The following RPH3AL variants were observed in gnomAD, a reference collection of about 807,000 sequenced individuals.
The protein encoded by RPH3AL is rabphilin 3A like (without C2 domains).
RPH3AL carries 38 observed loss-of-function variants against 43.1 expected under a neutral mutation model. The observed-to-expected ratio is 0.88, with a 90% CI of 0.68 to 1.15. RPH3AL has a LOEUF of 1.15. Among genes scored for constraint, RPH3AL ranks in the 50% most tolerant of loss-of-function variants. RPH3AL has a pLI of 0.00. For missense variants in RPH3AL, 462 were observed against 423.2 expected (o/e 1.09, Z -0.81); for synonymous variants, 189 against 176.3 (o/e 1.07, Z -0.57).
intron 5 of RPH3AL, among the ~76,000 whole-genome samples, chr17:293,686 G>A (rs2043100406): frequency 6.6e-6 from 1 of 152,200 alleles, no homozygotes; most frequent in Non-Finnish European, 1.5e-5. Flanking sequence ...CTTCGGCCAA[G>A]GGGTGGATGG....
At chr17:275,004 G>A (rs947417805) in intron 6 of RPH3AL, among the ~76,000 whole-genome samples, 2 of 152,138 alleles carry the variant, frequency 1.3e-5, no homozygotes, top group African/African-American at 4.8e-5. Context: ...GAGCAGACGT[G>A]GTCACGGAGA....
intron 5 of RPH3AL, among the ~76,000 whole-genome samples, chr17:286,589 A>C (rs2042918338): frequency 6.6e-6 from 1 of 152,234 alleles, no homozygotes; most frequent in Non-Finnish European, 1.5e-5. Flanking sequence ...CCCAGGTTCC[A>C]ATAAAGAAAA....
At chr17:334,109 T>C (rs1265795175) in intron 1 of RPH3AL, 175 bp from the exon 2 acceptor site, 1 of 153,086 alleles carries the variant, frequency 6.5e-6, no homozygotes, top group Non-Finnish European at 1.5e-5. Flanking sequence ...GCCGGTCACA[T>C]GACACCCCTC....
chr17:221,587 T>C (rs1597875096), intron 7 of RPH3AL, among the ~76,000 whole-genome samples: 1 of 131,012 alleles, frequency 7.6e-6, no homozygotes, highest in Non-Finnish European at 1.6e-5. Context: ...ACATCAGCTC[T>C]GAGGCCTCCA....
rs114084543 is a variant in RPH3AL, at chr17:264,011, G to A, written c.439-16726C>T. On this transcript the variant is annotated intron_variant, in intron 6 of 9. Transcript: ENST00000331302. This position sits in a 1 kb window ranked among gnomAD's most constrained non-coding sequence, Gnocchi z 4.8. ...AGGGTATCGTGCTGTTAGCGGACGC[G>A]ATGCTGCTTTCCAAGATGGCTGGGC... Among the ~76,000 whole-genome samples the A allele has an allele frequency of 0.021, 3,188 of 152,262 alleles. 52 individuals are homozygous for A. The highest frequency in any genetic ancestry group is 0.048 in the African/African-American group (2,005 of 41,542).
chr17:258,249 G>C (rs1480284557), intron 6 of RPH3AL, among the ~76,000 whole-genome samples: 2 of 152,140 alleles, frequency 1.3e-5, no homozygotes, highest in African/African-American at 4.8e-5. Context: ...CAGCCGTCTT[G>C]CTCACCACTG....
At chr17:313,911 C>G (rs943575515) in intron 5 of RPH3AL, among the ~76,000 whole-genome samples, 1 of 152,166 alleles carries the variant, frequency 6.6e-6, no homozygotes, top group African/African-American at 2.4e-5. Flanking sequence ...AATCCTGGAA[C>G]AAGCCCCTCA....
At chr17:253,238 C>T (rs1162056539) in intron 6 of RPH3AL, among the ~76,000 whole-genome samples, 12 of 152,188 alleles carry the variant, frequency 7.9e-5, no homozygotes, top group Non-Finnish European at 1.5e-4. Context: ...AGAGTGCTCC[C>T]CCACCTCACG....
chr17:317,694 A>G (rs944948258), intron 5 of RPH3AL, among the ~76,000 whole-genome samples: 8 of 152,222 alleles, frequency 5.3e-5, no homozygotes, highest in Admixed American at 6.5e-5. Flanking sequence ...CACATATGAC[A>G]AAAGCAGGAA....
chr17:312,567 G>A (rs1023861186), intron 5 of RPH3AL, among the ~76,000 whole-genome samples: 2 of 152,200 alleles, frequency 1.3e-5, no homozygotes, highest in Non-Finnish European at 1.5e-5. Context: ...AAATGTCTGG[G>A]GATCTGCTCC....
intron 7 of RPH3AL, chr17:234,533 G>A: frequency 6.4e-6 from 1 of 157,316 alleles, no homozygotes; most frequent in Non-Finnish European, 1.4e-5. Context: ...TAAGCAGTAG[G>A]CCAGATTGAA....
At chr17:329,487 T>C (rs2044697154) in intron 2 of RPH3AL, among the ~76,000 whole-genome samples, 1 of 152,158 alleles carries the variant, frequency 6.6e-6, no homozygotes, top group Non-Finnish European at 1.5e-5. Context: ...AAAAAATATA[T>C]AGATATACAT....
chr17:347,953 G>A (rs1178077848), intron 1 of RPH3AL, among the ~76,000 whole-genome samples: 1 of 151,592 alleles, frequency 6.6e-6, no homozygotes, highest in Non-Finnish European at 1.5e-5. Context: ...ATTACTTGAG[G>A]CTAGGAGTTC....
At chr17:319,821 A>G (rs2044409383) in intron 4 of RPH3AL, among the ~76,000 whole-genome samples, 1 of 138,938 alleles carries the variant, frequency 7.2e-6, no homozygotes, top group Non-Finnish European at 1.5e-5. Flanking sequence ...TCAATAAGGA[A>G]GAAAATTCAT....
At chr17:253,456 C>A (rs914474603) in intron 6 of RPH3AL, among the ~76,000 whole-genome samples, 2 of 152,158 alleles carry the variant, frequency 1.3e-5, no homozygotes, top group Admixed American at 6.5e-5. Context: ...TGCTCCTTTG[C>A]GGCACCGGAC....
intron 7 of RPH3AL, among the ~76,000 whole-genome samples, chr17:244,016 C>T (rs1450529892): frequency 6.7e-6 from 1 of 149,656 alleles, no homozygotes; most frequent in Non-Finnish European, 1.5e-5. Context: ...TACCCTTCCT[C>T]TATTGATTAC....
intron 7 of RPH3AL, among the ~76,000 whole-genome samples, chr17:239,734 C>T (rs1193577155): frequency 6.6e-6 from 1 of 152,160 alleles, no homozygotes; most frequent in Non-Finnish European, 1.5e-5. Context: ...TCAAGTGATC[C>T]TCCCACCTTA....
intron 5 of RPH3AL, among the ~76,000 whole-genome samples, chr17:297,818 T>C (rs1253143896): frequency 3.3e-5 from 5 of 152,156 alleles, no homozygotes; most frequent in Non-Finnish European, 7.3e-5. Flanking sequence ...TCAGGGCTGA[T>C]GTTGCCAAGG....
At position 213,903 on chromosome 17, in the gene RPH3AL, T is replaced by G; in HGVS notation, c.897A>C (p.Arg299=). The G allele has an allele frequency of 1.2e-6, 2 of 1,613,484 alleles. No individual in the cohort carries two copies. Among genetic ancestry groups the G allele is most frequent in the Non-Finnish European group, 1.7e-6 (2 of 1,179,920 alleles). The change falls in exon 10 of 10, where the codon CGA becomes CGC. Residue 299 remains arginine (R), a synonymous_variant. Transcript: ENST00000331302. ...CTGGAGCTGCGTCAGCAGCGGGGGC[T>G]CGTCCAGGTGTGTCTTTTACCTTTG... ...RRAPVKDTPG[R]APAADAAPAG... is the part of the protein sequence containing the mutation.
Sources: allele counts gnomAD v4.1 joint callset (sites outside exome capture counted in the v4.1 genomes callset), GRCh38; gene constraint gnomAD v4.1.1; non-coding constraint Gnocchi (gnomAD v3.1); transcripts MANE v1.5; gene names NCBI Gene and HGNC (gene_info 2026-07-23, HGNC 2026-07-21).